FSCN2: variants seen among roughly 807,000 people sequenced by gnomAD.
FSCN2 encodes fascin-2.
In FSCN2, 46 loss-of-function variants were observed where a neutral mutation model predicts 37.8. The observed-to-expected ratio is 1.22, with a 90% CI of 0.96 to 1.56. FSCN2 has a LOEUF of 1.56. Ranked by LOEUF, FSCN2 falls within the 40% of genes most tolerant of loss-of-function variation. FSCN2 has a pLI of 0.00. For synonymous variants in FSCN2, 351 were observed against 309.4 expected (o/e 1.13, Z -1.41); for missense variants, 844 against 730.4 (o/e 1.16, Z -1.79).
At chr17:81,532,667 G>A (rs1415842682) in intron 1 of FSCN2, among the ~76,000 whole-genome samples, 1 of 146,354 alleles carries the variant, frequency 6.8e-6, no homozygotes, top group Admixed American at 6.9e-5. Context: ...TGATGATGGA[G>A]GCAATGGTGA....
upstream of FSCN2, among the ~76,000 whole-genome samples, chr17:81,524,893 T>TCACACACACACACACACA (rs138139508): frequency 0.012 from 1,443 of 122,770 alleles, 9 homozygotes; most frequent in African/African-American, 0.02. Context: ...ATGAGCACCT[T>TCACACACACACACACACA]CACACACACA....
chr17:81,535,854 A>T lies in FSCN2; in HGVS notation c.984-292A>T, dbSNP rs1279261703. The stretch of plus-strand genomic sequence containing the variant: ...CTCCATCCCCATCCCCATCTCCATC[A>T]CCATCCCCCTCTCCATCCCCATCCC... On this transcript the variant is annotated intron_variant, in intron 2 of 4. Transcript: ENST00000417245. Among the ~76,000 whole-genome samples the T allele has an allele frequency of 9.6e-4, 90 of 93,894 alleles. 1 individual carries two copies. Among genetic ancestry groups the T allele is most frequent in the African/African-American group, 4.4e-3 (83 of 19,004 alleles). 61.6% of individuals were successfully genotyped at this position (93,894 alleles called of 152,430 possible).
chr17:81,525,310 C>T (rs1030527238), upstream of FSCN2, among the ~76,000 whole-genome samples: 20 of 151,334 alleles, frequency 1.3e-4, no homozygotes, highest in Non-Finnish European at 2.4e-4. Flanking sequence ...CCTGTAGTCC[C>T]AGCTACTTGG....
chr17:81,520,041 T>G, the FSCN2 span, among the ~76,000 whole-genome samples: 1 of 152,068 alleles, frequency 6.6e-6, no homozygotes, highest in African/African-American at 2.4e-5. Context: ...ATACACCTGC[T>G]GGGGACAGAG....
At chr17:81,522,498 GT>G in the FSCN2 span, among the ~76,000 whole-genome samples, 1 of 152,242 alleles carries the variant, frequency 6.6e-6, no homozygotes, top group Non-Finnish European at 1.5e-5. Context: ...GTCCGTTTCT[GT>G]TTTGTCCCAG....
intron 1 of FSCN2, among the ~76,000 whole-genome samples, chr17:81,532,067 AGTGATGGTGGTGATG>A (rs1568078620): frequency 2.7e-5 from 1 of 37,412 alleles, no homozygotes; most frequent in Non-Finnish European, 5.3e-5. Flanking sequence ...TGGTGATGAT[AGTGATGGTGGTGATG>A]GTGATGGTGA....
chr17:81,528,229 G>C (rs558585534), upstream of FSCN2, among the ~76,000 whole-genome samples: 145 of 152,366 alleles, frequency 9.5e-4, no homozygotes, highest in African/African-American at 3.3e-3. Context: ...CGGGCTCTGG[G>C]CTCTGTGCAA....
At position 81,535,656 on chromosome 17, in the gene FSCN2, CCCA is replaced by C. The variant is rs2032841080; in HGVS notation, c.983+449_983+451del. 6.1e-4 allele frequency among the ~76,000 whole-genome samples: 2 copies of C among 3,300 alleles called. 1 individual carries two copies. The highest frequency in any genetic ancestry group is 0.026 in the East Asian group (2 of 76). 2.2% of individuals were successfully genotyped at this position (3,300 alleles called of 152,430 possible). ...CATCCCCATTACCATCTCCACCATC[CCCA>C]TCTCCATCCCCACCATCCCCATCTC... On this transcript the variant is annotated intron_variant, in intron 2 of 4. Transcript: ENST00000417245.
upstream of FSCN2, chr17:81,528,361 G>C: frequency 1.7e-6 from 1 of 595,782 alleles, no homozygotes. Context: ...AGCTGCCCAG[G>C]CTGCTGCCGC....
chr17:81,522,695 C>T, the FSCN2 span, among the ~76,000 whole-genome samples: 1 of 151,768 alleles, frequency 6.6e-6, no homozygotes, highest in African/African-American at 2.4e-5. Context: ...AGGGGCTGGG[C>T]AGAGGCCGCC....
chr17:81,534,903 C>A (rs1344678699), intron 1 of FSCN2, 149 bp from the exon 2 acceptor site: 1 of 578,196 alleles, frequency 1.7e-6, no homozygotes, highest in Non-Finnish European at 2.9e-6. Flanking sequence ...TTCCCAGGGT[C>A]TCTGAGAGGT....
chr17:81,529,989 T>G (rs1347723275), intron 1 of FSCN2: 2 of 301,846 alleles, frequency 6.6e-6, no homozygotes, highest in African/African-American at 4.5e-5. Context: ...TTTTGTATTT[T>G]TTAGAAGAGA....
upstream of FSCN2, chr17:81,527,068 G>C (rs117196731): frequency 6.6e-6 from 1 of 152,306 alleles, no homozygotes; most frequent in Non-Finnish European, 1.5e-5. Flanking sequence ...TGCCTGGCAC[G>C]GTTGCTGTCC....
chr17:81,531,495 ATGGTGATGG>A (rs1364613619), intron 1 of FSCN2, among the ~76,000 whole-genome samples: 12 of 92,392 alleles, frequency 1.3e-4, no homozygotes, highest in South Asian at 8.3e-4. Context: ...GATGATGGTG[ATGGTGATGG>A]TGGTGATGGT....
chr17:81,528,115 G>A (rs147524027), upstream of FSCN2, among the ~76,000 whole-genome samples: 4 of 152,182 alleles, frequency 2.6e-5, no homozygotes, highest in Admixed American at 6.5e-5. Context: ...GGGCAGGAAC[G>A]AGAGAGGCCA....
rs1252121598 is a variant in FSCN2 at position 81,531,201 on chromosome 17, ATGG to A, written c.826+1850_826+1852del. Among the ~76,000 whole-genome samples the A allele has an allele frequency of 6.4e-5, 8 of 124,300 alleles. No homozygotes were observed. The East Asian group carries it at 7.7e-4, about 12-fold the overall frequency. 81.5% of individuals were successfully genotyped at this position (124,300 alleles called of 152,430 possible). Reference sequence around the variant, plus strand: ...GGTGATGATGGTGGTGATGGTGGTGATGGTGGTGATGGTGGTGATGGTGATAAT... The same window carrying A: ...GGTGATGATGGTGGTGATGGTGGTGATGGTGATGGTGGTGATGGTGATAAT... On this transcript the variant is annotated intron_variant, in intron 1 of 4. Coordinates refer to ENST00000417245, the MANE Select transcript of FSCN2 (RefSeq NM_012418.4).
chr17:81,536,705 C>T lies in FSCN2; in HGVS notation c.1189C>T (p.Arg397Cys), dbSNP rs375077430. 1.3e-5 allele frequency: 21 copies of T among 1,611,270 alleles called. No individual in the cohort carries two copies. The African/African-American group carries it at 1.7e-4, about 13-fold the overall frequency. Residue 397 changes from arginine (R) to cysteine (C), a missense_variant, in exon 4 of 5, where the codon CGC becomes TGC. Transcript: ENST00000417245. The part of the protein sequence containing the change: ...RGLDGFVCHH[R>C]GSNQLDTNRS... ...CCTGGACGGCTTCGTCTGCCACCAC[C>T]GCGGCTCCAACCAGCTGGACACCAA...
Position 81,529,369 on chromosome 17 carries a change from A to C in FSCN2, c.826+12A>C. The C allele has an allele frequency of 6.6e-7, 1 of 1,523,630 alleles. No homozygotes were observed. Among genetic ancestry groups the C allele is most frequent in the South Asian group, 1.3e-5 (1 of 76,936 alleles). 94.4% of individuals were successfully genotyped at this position (1,523,630 alleles called of 1,614,324 possible). A position where few individuals can be genotyped will look rare whatever the true frequency, so the allele number is the denominator to read the frequency against. Reference sequence around the variant, plus strand: ...CTCTGTGCGGCAAGGTAGGGAGGGCACAGGTGGCGACCTCCTGAGGGGTGC... The same window carrying C: ...CTCTGTGCGGCAAGGTAGGGAGGGCCCAGGTGGCGACCTCCTGAGGGGTGC... On this transcript the variant is annotated intron_variant, in intron 1 of 4. Coordinates refer to ENST00000417245, the MANE Select transcript of FSCN2 (RefSeq NM_012418.4).
chr17:81,530,665 C>T (rs74002407), intron 1 of FSCN2: 20,762 of 500,502 alleles, frequency 0.041, 1,910 homozygotes, highest in African/African-American at 0.25. Flanking sequence ...CCCACCCTGA[C>T]GGATGTCCAG....
Sources: allele counts gnomAD v4.1 joint callset (sites outside exome capture counted in the v4.1 genomes callset), GRCh38; gene constraint gnomAD v4.1.1; transcripts MANE v1.5; gene names NCBI Gene and HGNC (gene_info 2026-07-23, HGNC 2026-07-21).